The following SH3GL2 variants were observed in gnomAD, a reference collection of about 807,000 sequenced individuals.
The protein encoded by SH3GL2 is SH3 domain containing GRB2 like 2, endophilin A1.
SH3GL2 carries 24 observed loss-of-function variants against 46.0 expected under a neutral mutation model. The ratio of observed to expected loss-of-function variants is 0.52; its 90% confidence interval spans 0.38 to 0.73. SH3GL2 has a LOEUF of 0.73. Among genes scored for constraint, SH3GL2 ranks in the 30% least tolerant of loss-of-function variants. SH3GL2 has a pLI of 0.00. For missense variants in SH3GL2, 413 were observed against 424.2 expected (o/e 0.97, Z 0.23); for synonymous variants, 196 against 147.1 (o/e 1.33, Z -2.40).
At chr9:17,786,063 G>T (rs1394282404) in intron 3 of SH3GL2, among the ~76,000 whole-genome samples, 1 of 152,140 alleles carries the variant, frequency 6.6e-6, no homozygotes, top group African/African-American at 2.4e-5. Context: ...GCTCCACAGA[G>T]TCACTGCAGG....
At chr9:17,664,496 C>T (rs938476085) in intron 1 of SH3GL2, among the ~76,000 whole-genome samples, 6 of 152,062 alleles carry the variant, frequency 3.9e-5, no homozygotes, top group Non-Finnish European at 8.8e-5. Context: ...TGATCTTGAG[C>T]TCACATGGTT....
intron 1 of SH3GL2, among the ~76,000 whole-genome samples, chr9:17,704,032 C>T (rs926493891): frequency 2.0e-5 from 3 of 151,972 alleles, no homozygotes; most frequent in Admixed American, 2.0e-4. Context: ...GGTTCTATAC[C>T]TAGAAAATCC....
chr9:17,676,616 A>G (rs1458636296), intron 1 of SH3GL2, among the ~76,000 whole-genome samples: 1 of 152,216 alleles, frequency 6.6e-6, no homozygotes, highest in African/African-American at 2.4e-5. Flanking sequence ...AAACAAAGAA[A>G]CAAACAAAAA....
At chr9:17,788,609 C>G (rs1256611866) in intron 5 of SH3GL2, among the ~76,000 whole-genome samples, 1 of 152,088 alleles carries the variant, frequency 6.6e-6, no homozygotes, top group African/African-American at 2.4e-5. Flanking sequence ...TACCTGGTCA[C>G]TAGAGATGAT....
chr9:17,700,067 C>G (rs1462843904), intron 1 of SH3GL2, among the ~76,000 whole-genome samples: 1 of 144,902 alleles, frequency 6.9e-6, no homozygotes, highest in East Asian at 2.4e-4. Flanking sequence ...GAAAATAGTT[C>G]TGGCTACCAC....
chr9:17,579,777 G>A (rs1818243033), intron 1 of SH3GL2, among the ~76,000 whole-genome samples: 2 of 152,172 alleles, frequency 1.3e-5, no homozygotes, highest in Admixed American at 1.3e-4. Flanking sequence ...CCCTTACCCT[G>A]TTGTCAGAAC....
intron 2 of SH3GL2, among the ~76,000 whole-genome samples, chr9:17,757,182 C>T (rs760275919): frequency 6.6e-5 from 10 of 152,052 alleles, no homozygotes; most frequent in Admixed American, 1.3e-4. Context: ...AAATGTTAGA[C>T]CTAAGACCAT....
intron 3 of SH3GL2, among the ~76,000 whole-genome samples, chr9:17,765,762 T>TG (rs1242020481): frequency 2.0e-5 from 3 of 152,116 alleles, no homozygotes; most frequent in African/African-American, 7.2e-5. Context: ...TGCTTTTCAG[T>TG]GGGGCACATG....
At chr9:17,636,173 TAAG>T (rs1819538760) in intron 1 of SH3GL2, among the ~76,000 whole-genome samples, 1 of 152,192 alleles carries the variant, frequency 6.6e-6, no homozygotes, top group African/African-American at 2.4e-5. Flanking sequence ...AAGAGTTACT[TAAG>T]AAGAAGTATC....
chr9:17,731,697 T>C (rs1241678949), intron 1 of SH3GL2, among the ~76,000 whole-genome samples: 1 of 152,178 alleles, frequency 6.6e-6, no homozygotes, highest in African/African-American at 2.4e-5. Context: ...AGCTGACTGA[T>C]AGACTCCCTC....
At chr9:17,606,705 C>T (rs935658949) in intron 1 of SH3GL2, among the ~76,000 whole-genome samples, 2 of 152,180 alleles carry the variant, frequency 1.3e-5, no homozygotes, top group African/African-American at 4.8e-5. Context: ...TGCCTGCCAC[C>T]TTCTGTTTTC....
At chr9:17,681,917 A>G (rs970934280) in intron 1 of SH3GL2, among the ~76,000 whole-genome samples, 3 of 152,198 alleles carry the variant, frequency 2.0e-5, no homozygotes, top group African/African-American at 7.2e-5. Context: ...AAAAGAAGAC[A>G]TGTGGCCAAC....
At chr9:17,617,127 G>A (rs1418131727) in intron 1 of SH3GL2, among the ~76,000 whole-genome samples, 1 of 152,090 alleles carries the variant, frequency 6.6e-6, no homozygotes, top group Admixed American at 6.5e-5. Context: ...GATTATTTCA[G>A]TACACCAAGA....
Position 17,716,993 on chromosome 9 carries a change from C to T in SH3GL2, c.46-30073C>T, listed in dbSNP as rs959963403. 2.6e-5 allele frequency among the ~76,000 whole-genome samples: 4 copies of T among 152,218 alleles called. 1 individual carries two copies. The highest frequency in any genetic ancestry group is 6.5e-5 in the Admixed American group (1 of 15,288). On this transcript the variant is annotated intron_variant, in intron 1 of 8. Transcript: ENST00000380607. The stretch of plus-strand genomic sequence containing the variant: ...TTTCAGGCAGGAGGTTAAACCTAGT[C>T]CCTCTCACTCCATTTTGCCCAGAAC...
At chr9:17,621,166 TA>T (rs1819130535) in intron 1 of SH3GL2, among the ~76,000 whole-genome samples, 1 of 152,232 alleles carries the variant, frequency 6.6e-6, no homozygotes, top group Non-Finnish European at 1.5e-5. Context: ...TGATTTGGGT[TA>T]TCAATAATCT....
At chr9:17,724,411 G>A (rs1178217934) in intron 1 of SH3GL2, among the ~76,000 whole-genome samples, 6 of 152,000 alleles carry the variant, frequency 3.9e-5, no homozygotes, top group Non-Finnish European at 7.4e-5. Flanking sequence ...CGTAGGCATG[G>A]TTTTCCCTTA....
At chr9:17,663,389 T>G (rs973663650) in intron 1 of SH3GL2, among the ~76,000 whole-genome samples, 1 of 152,216 alleles carries the variant, frequency 6.6e-6, no homozygotes, top group Non-Finnish European at 1.5e-5. Flanking sequence ...CTATTAAAAT[T>G]TTTTAAAATT....
intron 2 of SH3GL2, among the ~76,000 whole-genome samples, chr9:17,756,775 G>T (rs550676847): frequency 1.3e-5 from 2 of 151,906 alleles, no homozygotes; most frequent in African/African-American, 2.4e-5. Context: ...GAATAGTGCC[G>T]CAATAAACAT....
At chr9:17,742,188 G>A (rs75256633) in intron 1 of SH3GL2, among the ~76,000 whole-genome samples, 1,626 of 152,264 alleles carry the variant, frequency 0.011, 18 homozygotes, top group Middle Eastern at 0.027. Flanking sequence ...CAGTTTGGAG[G>A]CACAGTGGTT....
Sources: allele counts gnomAD v4.1 joint callset (sites outside exome capture counted in the v4.1 genomes callset), GRCh38; gene constraint gnomAD v4.1.1; transcripts MANE v1.5; gene names NCBI Gene and HGNC (gene_info 2026-07-23, HGNC 2026-07-21).